Variants in FAM240B observed in about 807,000 individuals in gnomAD.
FAM240B encodes the protein protein FAM240B.
chr9:38,715,514 T>A (rs1294022846), intron 1 of FAM240B, among the ~76,000 whole-genome samples: 2 of 152,234 alleles, frequency 1.3e-5, no homozygotes, highest in East Asian at 3.8e-4. Context: ...TGTGGCAAAT[T>A]CTTGAATGCA....
chr9:38,695,732 G>A (rs1402609532), intron 2 of FAM240B, among the ~76,000 whole-genome samples: 1 of 152,164 alleles, frequency 6.6e-6, no homozygotes, highest in African/African-American at 2.4e-5. Flanking sequence ...ATATGGAAAG[G>A]CAAAAGTAGA....
intron 2 of FAM240B, among the ~76,000 whole-genome samples, chr9:38,696,024 C>T (rs764876205): frequency 2.0e-5 from 3 of 152,140 alleles, no homozygotes; most frequent in African/African-American, 4.8e-5. Context: ...ACAGTCTGAA[C>T]GTGTGTGTTT....
intron 1 of FAM240B, among the ~76,000 whole-genome samples, chr9:38,704,969 A>T (rs897096077): frequency 4.6e-5 from 7 of 152,226 alleles, no homozygotes; most frequent in Non-Finnish European, 8.8e-5. Context: ...GGAAATGGGT[A>T]TGTCCGGGGC....
intron 1 of FAM240B, among the ~76,000 whole-genome samples, chr9:38,714,762 G>T (rs1407582468): frequency 1.3e-5 from 2 of 152,192 alleles, no homozygotes; most frequent in Non-Finnish European, 2.9e-5. Context: ...AAGTGTCAAG[G>T]TCATGAAAGA....
At chr9:38,705,091 A>G (rs752555690) in intron 1 of FAM240B, among the ~76,000 whole-genome samples, 52 of 152,238 alleles carry the variant, frequency 3.4e-4, no homozygotes, top group Admixed American at 6.5e-5. Flanking sequence ...GAGCGCCATC[A>G]GGCAGGCAGA....
At chr9:38,713,427 G>A (rs552848988) in intron 1 of FAM240B, among the ~76,000 whole-genome samples, 3 of 131,434 alleles carry the variant, frequency 2.3e-5, no homozygotes, top group Non-Finnish European at 3.1e-5. Context: ...GCAGTGAGCC[G>A]AGATCACGCC....
chr9:38,703,536 G>A (rs769311578), intron 2 of FAM240B, among the ~76,000 whole-genome samples: 2 of 152,142 alleles, frequency 1.3e-5, no homozygotes, highest in Admixed American at 1.3e-4. Flanking sequence ...AAAGACTCTG[G>A]CTAAGAGGTT....
intron 1 of FAM240B, among the ~76,000 whole-genome samples, chr9:38,711,489 G>A (rs989921322): frequency 1.3e-5 from 2 of 152,210 alleles, no homozygotes; most frequent in Non-Finnish European, 2.9e-5. Context: ...ACTGGACAGA[G>A]GGCAGATTGA....
intron 1 of FAM240B, among the ~76,000 whole-genome samples, chr9:38,715,135 G>A (rs1015778707): frequency 1.3e-5 from 2 of 152,182 alleles, no homozygotes; most frequent in South Asian, 2.1e-4. Flanking sequence ...CAGGAATTAA[G>A]GAGCATTGTT....
intron 1 of FAM240B, among the ~76,000 whole-genome samples, chr9:38,712,629 C>G (rs982736133): frequency 1.3e-5 from 2 of 152,080 alleles, no homozygotes; most frequent in Non-Finnish European, 2.9e-5. Context: ...TTCACAGCAC[C>G]CAGAATGTCT....
chr9:38,711,649 C>CG (rs1337187091), intron 1 of FAM240B, among the ~76,000 whole-genome samples: 4 of 97,264 alleles, frequency 4.1e-5, no homozygotes, highest in Non-Finnish European at 8.5e-5. Context: ...CTCCCTCTCT[C>CG]TTTCTTCTTC....
At chr9:38,710,686 T>C (rs1587593123) in intron 1 of FAM240B, among the ~76,000 whole-genome samples, 1 of 148,480 alleles carries the variant, frequency 6.7e-6, no homozygotes, top group African/African-American at 2.4e-5. Flanking sequence ...CTGCCCCCAC[T>C]AAGTGGTCAG....
intron 1 of FAM240B, among the ~76,000 whole-genome samples, chr9:38,716,412 C>G (rs985700117): frequency 1.3e-5 from 2 of 152,172 alleles, no homozygotes; most frequent in Admixed American, 1.3e-4. Flanking sequence ...GCGGAGCTTG[C>G]AGTGGGCTGA....
chr9:38,717,055 G>A (rs1184370491), intron 1 of FAM240B, among the ~76,000 whole-genome samples: 2 of 152,178 alleles, frequency 1.3e-5, no homozygotes, highest in Non-Finnish European at 2.9e-5. Context: ...GGAGGACGCA[G>A]TTAGGCATCT....
chr9:38,700,430 A>C (rs1821112379), intron 2 of FAM240B, among the ~76,000 whole-genome samples: 1 of 152,206 alleles, frequency 6.6e-6, no homozygotes, highest in Non-Finnish European at 1.5e-5. Flanking sequence ...AATTTTGAAG[A>C]CCACACTTCT....
chr9:38,696,590 A>T (rs1432752823), intron 2 of FAM240B, among the ~76,000 whole-genome samples: 2 of 152,162 alleles, frequency 1.3e-5, no homozygotes, highest in African/African-American at 4.8e-5. Flanking sequence ...CGGGCAGATC[A>T]CCAGGTCAGA....
At chr9:38,708,313 G>T (rs1821214577) in intron 1 of FAM240B, among the ~76,000 whole-genome samples, 1 of 152,148 alleles carries the variant, frequency 6.6e-6, no homozygotes, top group Admixed American at 6.5e-5. Context: ...TCATGGGGCA[G>T]CCCCCTATCC....
chr9:38,704,107 GTT>G (rs5897747), intron 1 of FAM240B, 105 bp from the exon 2 acceptor site: 11,841 of 307,486 alleles, frequency 0.039, no homozygotes, highest in Middle Eastern at 0.059. Context: ...ATTTACACTT[GTT>G]TTTTTTTTTT....
chr9:38,708,296 C>T (rs1299571826), intron 1 of FAM240B, among the ~76,000 whole-genome samples: 1 of 152,200 alleles, frequency 6.6e-6, no homozygotes, highest in African/African-American at 2.4e-5. Context: ...CTCCTTCCTA[C>T]GCTGTCTCAT....
Sources: gnomAD v4.1 joint callset for allele counts (sites outside exome capture counted in the v4.1 genomes callset) on GRCh38, gnomAD v4.1.1 for gene constraint, MANE v1.5 for transcripts, NCBI Gene and HGNC (gene_info 2026-07-23, HGNC 2026-07-21) for gene names.